IGLON5: variants seen among roughly 807,000 people sequenced by gnomAD.
The protein encoded by IGLON5 is IgLON family member 5, also known as Ig-like domain-containing protein ENSP00000270642.
Under a neutral mutation model 38.2 loss-of-function variants are expected in IGLON5, and 16 were observed. The observed-to-expected ratio is 0.42, with a 90% CI of 0.28 to 0.64. The LOEUF (loss-of-function observed/expected upper bound fraction) is 0.64, where lower values mean the gene tolerates loss of function less well. Ranked by LOEUF, IGLON5 falls within the 30% of genes least tolerant of loss-of-function variation. IGLON5 has a pLI of 0.23. For synonymous variants in IGLON5, 207 were observed against 216.4 expected, an observed-to-expected ratio of 0.96 and a Z score of 0.38; for missense variants, 366 against 483.4, an observed-to-expected ratio of 0.76 and a Z score of 2.28.
chr19:51,321,931 G>A, intron 1 of IGLON5, 133 bp from the exon 2 acceptor site: 1 of 732,416 alleles, frequency 1.4e-6, no homozygotes, highest in East Asian at 2.6e-5. Flanking sequence ...GTGCACGTGT[G>A]GTGCATGTGT....
chr19:51,322,773 CCT>C (rs374802836), intron 2 of IGLON5, among the ~76,000 whole-genome samples: 32 of 146,044 alleles, frequency 2.2e-4, no homozygotes, highest in African/African-American at 6.9e-4. Flanking sequence ...GGTCTCTTTC[CCT>C]CTCTCTCTCT....
intron 3 of IGLON5, 34 bp downstream of exon 3, chr19:51,323,928 G>A: frequency 5.4e-6 from 8 of 1,488,610 alleles, no homozygotes; most frequent in Non-Finnish European, 7.4e-6. Context: ...CTGGGTGGAG[G>A]GGTTGAGAGC....
chr19:51,328,620 TG>T, intron 7 of IGLON5, 50 bp from the exon 8 acceptor site: 2 of 1,242,624 alleles, frequency 1.6e-6, no homozygotes, highest in Non-Finnish European at 1.1e-6. Flanking sequence ...GAGACACACA[TG>T]GGGTTCCCCA....
intron 1 of IGLON5, among the ~76,000 whole-genome samples, chr19:51,317,479 G>A (rs191727919): frequency 2.6e-4 from 40 of 152,340 alleles, no homozygotes; most frequent in Non-Finnish European, 4.1e-4. Context: ...CAGCAGCAGA[G>A]CTGGGACTTG....
At chr19:51,319,378 G>C (rs749410706) in intron 1 of IGLON5, among the ~76,000 whole-genome samples, 1 of 151,534 alleles carries the variant, frequency 6.6e-6, no homozygotes, top group Non-Finnish European at 1.5e-5. Flanking sequence ...CCTGATTCTC[G>C]GCCCAGCGTG....
chr19:51,328,524 A>G (rs1360189963), intron 7 of IGLON5, 147 bp from the exon 8 acceptor site: 2 of 434,178 alleles, frequency 4.6e-6, no homozygotes, highest in Non-Finnish European at 8.3e-6. Flanking sequence ...AAAAAAAAAG[A>G]AACAGAGTCA....
rs1404893358 is a variant in IGLON5 at position 51,327,986 on chromosome 19, C to T, written c.922+100C>T. 3 of 1,232,560 alleles carry T rather than the reference C, an allele frequency of 2.4e-6. No individual in the cohort carries two copies. The highest frequency in any genetic ancestry group is 3.2e-5 in the South Asian group (2 of 63,226). 76.4% of individuals were successfully genotyped at this position (1,232,560 alleles called of 1,614,324 possible). The stretch of plus-strand genomic sequence containing the variant: ...GACCGCCCTTCAGGCTGGCCCTGAA[C>T]TTAGGAGATGGACGCTGAGACTGAA... On this transcript the variant is annotated intron_variant, in intron 7 of 7. Coordinates refer to ENST00000270642, the MANE Select transcript of IGLON5 (RefSeq NM_001101372.3). This position sits in a 1 kb window ranked among gnomAD's most constrained non-coding sequence, Gnocchi z 7.1.
Position 51,327,715 on chromosome 19 carries a change from ACCCGGAT to A in IGLON5, c.768-13_768-7del. 6.4e-7 allele frequency: 1 copy of A among 1,559,296 alleles called. No homozygotes were observed. The highest frequency in any genetic ancestry group is 8.6e-7 in the Non-Finnish European group (1 of 1,157,420). On this transcript the variant is annotated splice_polypyrimidine_tract_variant and intron_variant, in intron 6 of 7. Coordinates refer to ENST00000270642, the MANE Select transcript of IGLON5 (RefSeq NM_001101372.3). The surrounding 1 kb of genome is among the most constrained non-coding windows in gnomAD (Gnocchi z 7.1). ...GCTGGGCGCTGCGGCCCGGCCCCTG[ACCCGGAT>A]CCCTGGCAGGCTGAGCAGCGGCACG... is the stretch of plus-strand genomic sequence containing the variant.
chr19:51,313,132 C>T (rs543672637), intron 1 of IGLON5, among the ~76,000 whole-genome samples: 10 of 152,324 alleles, frequency 6.6e-5, no homozygotes, highest in African/African-American at 2.4e-4. Flanking sequence ...CTGCAGACAC[C>T]AGTCACACAA....
In IGLON5 at chr19:51,327,830, A is replaced by G. The variant is rs1985255613; in HGVS notation, c.866A>G (p.Tyr289Cys). ...GTGAGCGCCCGGCATTACGGCAACT[A>G]TACGTGTCGCGCCGCCAACCGACTG... ...ANVSARHYGN[Y>C]TCRAANRLGA... Residue 289 changes from tyrosine (Y) to cysteine (C), a missense_variant, in exon 7 of 8, where the codon TAT (tyrosine) becomes TGT (cysteine). Transcript: ENST00000270642. The surrounding 1 kb of genome is among the most constrained non-coding windows in gnomAD (Gnocchi z 7.1). 6.5e-7 allele frequency: 1 copy of G among 1,549,292 alleles called. No individual in the cohort carries two copies. The highest frequency in any genetic ancestry group is 1.4e-5 in the African/African-American group (1 of 72,794).
Position 51,327,750 on chromosome 19 carries a change from C to A in IGLON5, c.786C>A (p.Ala262=). ...CTGGCAGGCTGAGCAGCGGCACGGC[C>A]GAAGGCCTGAAGGTGCAGACGGAGC... ...KDDRLLSSGT[A]EGLKVQTERT... Residue 262 remains alanine, a synonymous_variant, in exon 7 of 8, where the codon GCC becomes GCA. Transcript: ENST00000270642. The surrounding 1 kb of genome is among the most constrained non-coding windows in gnomAD (Gnocchi z 7.1). The A allele has an allele frequency of 6.3e-7, 1 of 1,576,678 alleles. No homozygotes were observed. Among genetic ancestry groups the A allele is most frequent in the Non-Finnish European group, 8.6e-7 (1 of 1,163,986 alleles).
chr19:51,317,681 A>T lies in IGLON5; in HGVS notation c.80-4383A>T, dbSNP rs937622982. On this transcript the variant is annotated intron_variant, in intron 1 of 7. Coordinates refer to ENST00000270642, the MANE Select transcript of IGLON5 (RefSeq NM_001101372.3). ...TAGGGAGACCTATGCCAAGCCAGGG[A>T]TAGCAATAGATGGTTCCTAAAAAAG... Among the ~76,000 whole-genome samples, 19 of 152,336 alleles carry T rather than the reference A, an allele frequency of 1.2e-4. 5 individuals are homozygous for T. The highest frequency in any genetic ancestry group is 5.8e-4 in the East Asian group (3 of 5,188).
intron 1 of IGLON5, among the ~76,000 whole-genome samples, chr19:51,320,733 CAT>C (rs1185420284): frequency 8.5e-5 from 13 of 152,244 alleles, no homozygotes; most frequent in African/African-American, 2.6e-4. Flanking sequence ...AGAATGTACA[CAT>C]GTGGATCTCT....
chr19:51,322,268 C>A, intron 2 of IGLON5, 126 bp downstream of exon 2: 2 of 754,076 alleles, frequency 2.7e-6, no homozygotes, highest in Non-Finnish European at 4.6e-6. Flanking sequence ...CTCCACATTC[C>A]CCCTCAGTAG....
rs1985337411 is a variant in IGLON5, at chr19:51,330,729, G to A, written c.*1970G>A. On this transcript the variant is annotated 3_prime_UTR_variant, in exon 8 of 8. Transcript: ENST00000270642. The stretch of plus-strand genomic sequence containing the variant: ...GGGGATAGCAATGGTGGGGAGGACA[G>A]CATATGGAGCCTGAGAAGGATAGGA... Among the ~76,000 whole-genome samples, 1 of 152,202 alleles carries A rather than the reference G, an allele frequency of 6.6e-6. No individual in the cohort carries two copies. The highest frequency in any genetic ancestry group is 2.1e-4 in the South Asian group (1 of 4,834).
rs1212150078 is a variant in IGLON5 at position 51,320,787 on chromosome 19, A to G, written c.80-1277A>G. 2.0e-5 allele frequency among the ~76,000 whole-genome samples: 3 copies of G among 152,138 alleles called. No homozygotes were observed. The South Asian group carries it at 6.2e-4, about 31-fold the overall frequency. On this transcript the variant is annotated intron_variant, in intron 1 of 7. Coordinates refer to ENST00000270642, the MANE Select transcript of IGLON5 (RefSeq NM_001101372.3). ...ATCTGTGTGTCTGCAGGTCTGTTAC[A>G]TATATGTGTTATCTACATGCATCTG...
intron 7 of IGLON5, 21 bp from the exon 8 acceptor site, chr19:51,328,650 T>C: frequency 1.3e-6 from 2 of 1,518,160 alleles, no homozygotes; most frequent in Non-Finnish European, 1.8e-6. Context: ...CCTCCCTCCA[T>C]GACCCCTTCT....
chr19:51,318,284 A>G (rs1272537234), intron 1 of IGLON5, among the ~76,000 whole-genome samples: 1 of 152,194 alleles, frequency 6.6e-6, no homozygotes, highest in African/African-American at 2.4e-5. Flanking sequence ...GTGTTGGGAG[A>G]TGCTGGGGAC....
At chr19:51,322,562 C>G (rs182215213) in intron 2 of IGLON5, among the ~76,000 whole-genome samples, 1 of 150,854 alleles carries the variant, frequency 6.6e-6, no homozygotes, top group East Asian at 2.0e-4. Flanking sequence ...CTGTTCCCCC[C>G]TCTCTCCACG....
Sources: gnomAD v4.1 joint callset for allele counts (sites outside exome capture counted in the v4.1 genomes callset) on GRCh38, gnomAD v4.1.1 for gene constraint, Gnocchi (gnomAD v3.1) non-coding constraint, MANE v1.5 for transcripts, NCBI Gene and HGNC (gene_info 2026-07-23, HGNC 2026-07-21) for gene names.